Variants in COL5A1 observed in about 807,000 individuals in gnomAD.
The protein encoded by COL5A1 is collagen alpha-1(V) chain.
A neutral mutation model predicts 263.7 loss-of-function variants in COL5A1; 16 were observed. The observed-to-expected ratio is 0.06, with a 90% CI of 0.04 to 0.09. COL5A1 has a LOEUF of 0.09. COL5A1 is among the 10% of genes least tolerant of loss of function. COL5A1 has a pLI of 1.00. For missense variants in COL5A1, 2,036 were observed against 2,540.5 expected, an observed-to-expected ratio of 0.80 and a Z score of 4.27; for synonymous variants, 1,012 against 1,004.5, an observed-to-expected ratio of 1.01 and a Z score of -0.14.
intron 2 of COL5A1, 51 bp downstream of exon 2, chr9:134,691,130 G>A (rs1833265094): frequency 6.2e-7 from 1 of 1,607,952 alleles, no homozygotes; most frequent in East Asian, 2.2e-5. Flanking sequence ...TGGCCCTCTG[G>A]CCTCCAGCCA....
At chr9:134,793,384 T>TGCGG in intron 32 of COL5A1, among the ~76,000 whole-genome samples, 2 of 151,230 alleles carry the variant, frequency 1.3e-5, no homozygotes, top group South Asian at 4.2e-4. Flanking sequence ...CTAAGGAGGC[T>TGCGG]GGGGGGGGCA....
intron 65 of COL5A1, among the ~76,000 whole-genome samples, chr9:134,839,900 C>G (rs1839967393): frequency 6.6e-6 from 1 of 152,272 alleles, no homozygotes; most frequent in Non-Finnish European, 1.5e-5. Context: ...TGGCCACCCC[C>G]AGGCGGGCTT....
chr9:134,798,491 C>T lies in COL5A1; in HGVS notation c.2952+30C>T, dbSNP rs754524427. The stretch of plus-strand genomic sequence containing the variant: ...GTATCGAGGGTGCTGGGGGACGTGG[C>T]TGGCTGGCTCTCTGACCACCCTGCA... On this transcript the variant is annotated intron_variant, in intron 37 of 65. Coordinates refer to ENST00000371817, the MANE Select transcript of COL5A1 (RefSeq NM_000093.5). 4 of 1,609,360 alleles carry T rather than the reference C, an allele frequency of 2.5e-6. No homozygotes were observed. The Admixed American group carries it at 6.7e-5, about 27-fold the overall frequency.
At chr9:134,695,767 A>G (rs1833438328) in intron 2 of COL5A1, among the ~76,000 whole-genome samples, 1 of 152,106 alleles carries the variant, frequency 6.6e-6, no homozygotes, top group Non-Finnish European at 1.5e-5. Context: ...GGGAATGTAA[A>G]CTTCACTTCT....
Position 134,672,766 on chromosome 9 carries a change from A to G in COL5A1, c.110-18146A>G, listed in dbSNP as rs532596061. ...CAGATCACATTAGTGACTATGTGAA[A>G]AAAATTCTAAGGAATCTACAAAATA... On this transcript the variant is annotated intron_variant, in intron 1 of 65. Transcript: ENST00000371817. Among the ~76,000 whole-genome samples, 77 of 152,382 alleles carry G rather than the reference A, an allele frequency of 5.1e-4. 1 individual carries two copies. Among genetic ancestry groups the G allele is most frequent in the Middle Eastern group, 6.8e-3 (2 of 294 alleles).
intron 35 of COL5A1, 64 bp downstream of exon 35, chr9:134,796,482 C>T (rs1377478412): frequency 1.3e-6 from 2 of 1,548,428 alleles, no homozygotes; most frequent in African/African-American, 1.4e-5. Flanking sequence ...GCCCCCTGCA[C>T]TTTGTCCTGG....
Position 134,732,062 on chromosome 9 carries a change from C to A in COL5A1, c.1333-9C>A. On this transcript the variant is annotated splice_polypyrimidine_tract_variant and intron_variant, in intron 8 of 65. Transcript: ENST00000371817. The stretch of plus-strand genomic sequence containing the variant: ...GATTCTCTTTCCATCTGCCTTTTAT[C>A]ACCCCCAGATTGGAGGACCTCGGGG... The A allele has an allele frequency of 6.2e-7, 1 of 1,613,870 alleles. No individual in the cohort carries two copies. Among genetic ancestry groups the A allele is most frequent in the Non-Finnish European group, 8.5e-7 (1 of 1,179,702 alleles).
intron 31 of COL5A1, among the ~76,000 whole-genome samples, chr9:134,786,577 C>T (rs886857627): frequency 2.0e-5 from 3 of 152,110 alleles, no homozygotes; most frequent in Admixed American, 2.0e-4. Context: ...TCTACCTCAC[C>T]GGCGATTTGA....
At chr9:134,816,729 C>T (rs1274985896) in intron 52 of COL5A1, among the ~76,000 whole-genome samples, 4 of 152,248 alleles carry the variant, frequency 2.6e-5, no homozygotes, top group Non-Finnish European at 5.9e-5. Flanking sequence ...AGTGCCTCGT[C>T]CCTGCCCAGG....
chr9:134,750,656 G>T, intron 12 of COL5A1, 40 bp downstream of exon 12: 1 of 1,607,844 alleles, frequency 6.2e-7, no homozygotes, highest in Non-Finnish European at 8.5e-7. Context: ...AGGCAGCTGG[G>T]GCAGGTGGGA....
chr9:134,771,540 G>A (rs1326782281), intron 25 of COL5A1, among the ~76,000 whole-genome samples: 2 of 152,238 alleles, frequency 1.3e-5, no homozygotes, highest in East Asian at 1.9e-4. Context: ...GCTAGGATAG[G>A]CTGTCTGCAA....
Position 134,677,103 on chromosome 9 carries a change from G to A in COL5A1, c.110-13809G>A, listed in dbSNP as rs1380372401. Among the ~76,000 whole-genome samples, 1 of 152,210 alleles carries A rather than the reference G, an allele frequency of 6.6e-6. No individual in the cohort carries two copies. Among genetic ancestry groups the A allele is most frequent in the East Asian group, 1.9e-4 (1 of 5,198 alleles). On this transcript the variant is annotated intron_variant, in intron 1 of 65. Coordinates refer to ENST00000371817, the MANE Select transcript of COL5A1 (RefSeq NM_000093.5). The surrounding 1 kb of genome is among the most constrained non-coding windows in gnomAD (Gnocchi z 4.4). ...GACACAGAAGAGGCAGGGACACCAG[G>A]AAGCGGCGGTCCATCCCCTCGTGAT...
At chr9:134,771,822 A>G (rs928597419) in intron 25 of COL5A1, among the ~76,000 whole-genome samples, 1 of 152,158 alleles carries the variant, frequency 6.6e-6, no homozygotes, top group African/African-American at 2.4e-5. Context: ...CAGCCTTCTC[A>G]TCACCCTGCC....
Position 134,755,540 on chromosome 9 carries a change from G to T in COL5A1, c.1827+1214G>T, listed in dbSNP as rs906100019. 1.3e-5 allele frequency among the ~76,000 whole-genome samples: 2 copies of T among 152,256 alleles called. No individual in the cohort carries two copies. The highest frequency in any genetic ancestry group is 4.8e-5 in the African/African-American group (2 of 41,470). ...GGTCGATTCCAAAGTGGTCTGAGCA[G>T]CCTCTTCCATTCTTTGCTAGCATTT... is the stretch of plus-strand genomic sequence containing the variant. On this transcript the variant is annotated intron_variant, in intron 16 of 65. Transcript: ENST00000371817. The surrounding 1 kb of genome is among the most constrained non-coding windows in gnomAD (Gnocchi z 4.1).
At position 134,738,619 on chromosome 9, in the gene COL5A1, G is replaced by A. The variant is rs545131272; in HGVS notation, c.1431+104G>A. ...TGGATGGAAAAGAGGGGGGCTCTCCGCTTTTGCAGATCCCCTGGGAGCCGG... is the reference window on the plus strand; with the variant it reads ...TGGATGGAAAAGAGGGGGGCTCTCCACTTTTGCAGATCCCCTGGGAGCCGG... On this transcript the variant is annotated intron_variant, in intron 10 of 65. Coordinates refer to ENST00000371817, the MANE Select transcript of COL5A1 (RefSeq NM_000093.5). The A allele has an allele frequency of 3.0e-4, 468 of 1,555,870 alleles. 3 individuals are homozygous for A. The highest frequency in any genetic ancestry group is 2.7e-3 in the South Asian group (247 of 89,924).
Position 134,680,868 on chromosome 9 carries a change from A to G in COL5A1, c.110-10044A>G, listed in dbSNP as rs1294969836. ...GGGTGCATGGAACCTGCTTTGGCGA[A>G]GTGGCAGTGAGCGCAGGGACAGGCT... On this transcript the variant is annotated intron_variant, in intron 1 of 65. Transcript: ENST00000371817. The surrounding 1 kb of genome is among the most constrained non-coding windows in gnomAD (Gnocchi z 5.9). Among the ~76,000 whole-genome samples, 3 of 152,124 alleles carry G rather than the reference A, an allele frequency of 2.0e-5. No individual in the cohort carries two copies. Among genetic ancestry groups the G allele is most frequent in the Non-Finnish European group, 4.4e-5 (3 of 68,016 alleles).
chr9:134,739,878 G>C (rs1835239036), intron 11 of COL5A1, among the ~76,000 whole-genome samples: 1 of 152,206 alleles, frequency 6.6e-6, no homozygotes, highest in African/African-American at 2.4e-5. Context: ...CTTGCTTGGG[G>C]AGGAGATGGG....
intron 11 of COL5A1, among the ~76,000 whole-genome samples, chr9:134,746,901 C>T (rs1259845455): frequency 6.6e-6 from 1 of 152,230 alleles, no homozygotes; most frequent in Non-Finnish European, 1.5e-5. Flanking sequence ...CCTGCCTTGT[C>T]GCAGACAACA....
In COL5A1 at chr9:134,647,878, G is replaced by A. The variant is rs113019340; in HGVS notation, c.109+5582G>A. On this transcript the variant is annotated intron_variant, in intron 1 of 65. Transcript: ENST00000371817. This position sits in a 1 kb window ranked among gnomAD's most constrained non-coding sequence, Gnocchi z 5.0. ...CTGGCCTGGCTGGTGGATGTGCCTC[G>A]ATCCTGCAGGCGGAGCCCACAGCGG... Among the ~76,000 whole-genome samples, 2,964 of 152,274 alleles carry A rather than the reference G, an allele frequency of 0.019. 122 individuals are homozygous for A. The highest frequency in any genetic ancestry group is 0.068 in the African/African-American group (2,822 of 41,526).
Sources: allele counts gnomAD v4.1 joint callset (sites outside exome capture counted in the v4.1 genomes callset), GRCh38; gene constraint gnomAD v4.1.1; non-coding constraint Gnocchi (gnomAD v3.1); transcripts MANE v1.5; gene names NCBI Gene and HGNC (gene_info 2026-07-23, HGNC 2026-07-21).